TOM1: variants seen among roughly 807,000 people sequenced by gnomAD.
TOM1 encodes target of Myb protein 1.
Under a neutral mutation model 61.3 loss-of-function variants are expected in TOM1, and 38 were observed. The observed-to-expected ratio is 0.62, with a 90% confidence interval of 0.48 to 0.81. The LOEUF (loss-of-function observed/expected upper bound fraction) is 0.81. Among genes scored for constraint, TOM1 ranks in the 40% least tolerant of loss-of-function variants. The pLI, the probability that TOM1 is intolerant of heterozygous loss-of-function variation, is 0.00. For synonymous variants in TOM1, 270 were observed against 268.8 expected (o/e 1.00, Z -0.04); for missense variants, 591 against 659.6 (o/e 0.90, Z 1.14).
At chr22:35,309,060 T>A (rs944622601) in intron 1 of TOM1, among the ~76,000 whole-genome samples, 1 of 152,250 alleles carries the variant, frequency 6.6e-6, no homozygotes, top group African/African-American at 2.4e-5. Flanking sequence ...TCTGCATATT[T>A]GTGATTTAAA....
At chr22:35,306,676 A>G (rs1381774051) in intron 1 of TOM1, among the ~76,000 whole-genome samples, 1 of 152,194 alleles carries the variant, frequency 6.6e-6, no homozygotes, top group Non-Finnish European at 1.5e-5. Context: ...GCTATAAAGC[A>G]CTTCCTGCCA....
At chr22:35,302,336 T>C (rs566163547) in intron 1 of TOM1, among the ~76,000 whole-genome samples, 91 of 134,586 alleles carry the variant, frequency 6.8e-4, no homozygotes, top group African/African-American at 2.1e-3. Context: ...TTTTCTTTTT[T>C]TTTTTTTTTT....
chr22:35,341,474 G>T (rs1328597286), intron 12 of TOM1, among the ~76,000 whole-genome samples: 1 of 152,076 alleles, frequency 6.6e-6, no homozygotes. Context: ...GTGAGTGGAG[G>T]TGTGTGTCTC....
At chr22:35,346,993 CCCTCT>C (rs1415179488) in intron 14 of TOM1, 24 bp downstream of exon 14, 2 of 1,607,784 alleles carry the variant, frequency 1.2e-6, no homozygotes, top group Non-Finnish European at 1.7e-6. Context: ...CCCCTGCCCG[CCCTCT>C]CCTTTCCCCA....
chr22:35,335,681 G>A lies in TOM1; in HGVS notation c.1148+1233G>A, dbSNP rs527879044. 66 of 155,014 alleles carry A rather than the reference G, an allele frequency of 4.3e-4. 1 individual carries two copies. Among genetic ancestry groups the A allele is most frequent in the Middle Eastern group, 1.6e-3 (3 of 1,926 alleles). 9.6% of individuals were successfully genotyped at this position (155,014 alleles called of 1,614,324 possible). On this transcript the variant is annotated intron_variant, in intron 11 of 14. Transcript: ENST00000449058. ...GTCCTTCCTCTGGGGAGCAGGCTCC[G>A]GGGGACAGGGAAAAGCACACAAGGA...
chr22:35,346,849 C>G, intron 13 of TOM1, 81 bp from the exon 14 acceptor site: 1 of 1,368,978 alleles, frequency 7.3e-7, no homozygotes, highest in South Asian at 1.2e-5. Flanking sequence ...TCAGCGGGGC[C>G]CGAGCTGCAG....
Position 35,334,308 on chromosome 22 carries a change from TG to T in TOM1, c.1028-18del, listed in dbSNP as rs1929096453. On this transcript the variant is annotated intron_variant, in intron 10 of 14. Transcript: ENST00000449058. The stretch of plus-strand genomic sequence containing the variant: ...CAAGCTTGTGGATGGGTCTTTCACG[TG>T]GCCTTTCTGTCCCTGCAGACCTGGG... 1.2e-6 allele frequency: 2 copies of T among 1,603,952 alleles called. No homozygotes were observed. Among genetic ancestry groups the T allele is most frequent in the East Asian group, 4.5e-5 (2 of 44,554 alleles).
In TOM1 at chr22:35,329,256, A is replaced by AT. The variant is rs1157082451; in HGVS notation, c.766-1083dup. 4.6e-5 allele frequency among the ~76,000 whole-genome samples: 7 copies of AT among 152,156 alleles called. No individual in the cohort carries two copies. The South Asian group carries it at 1.2e-3, about 27-fold the overall frequency. ...TAGGCACGAGCCACCGGGTGTAGCC[A>AT]TTTTTTTTATTTTTCATAAGTTTAA... On this transcript the variant is annotated intron_variant, in intron 7 of 14. Coordinates refer to ENST00000449058, the MANE Select transcript of TOM1 (RefSeq NM_005488.3).
At chr22:35,340,269 C>T (rs1274813372) in intron 12 of TOM1, among the ~76,000 whole-genome samples, 5 of 152,102 alleles carry the variant, frequency 3.3e-5, no homozygotes, top group Non-Finnish European at 5.9e-5. Flanking sequence ...AGCATGGGGA[C>T]TTCTGAGGCT....
intron 6 of TOM1, 107 bp from the exon 7 acceptor site, chr22:35,327,164 G>A: frequency 1.9e-6 from 2 of 1,076,216 alleles, no homozygotes; most frequent in African/African-American, 1.5e-5. Flanking sequence ...TGGGAGGTCG[G>A]CTCCCTGGTG....
At chr22:35,307,767 G>A (rs899395167) in intron 1 of TOM1, among the ~76,000 whole-genome samples, 2 of 152,138 alleles carry the variant, frequency 1.3e-5, no homozygotes, top group Non-Finnish European at 2.9e-5. Flanking sequence ...GACCACAGGG[G>A]CTGAGACAGA....
At chr22:35,324,856 G>A (rs991089612) in intron 6 of TOM1, among the ~76,000 whole-genome samples, 3 of 152,248 alleles carry the variant, frequency 2.0e-5, no homozygotes, top group East Asian at 1.9e-4. Context: ...AGCCAAGAAG[G>A]TTTGAGGCTT....
chr22:35,345,388 C>T, intron 12 of TOM1: 1 of 398,478 alleles, frequency 2.5e-6, no homozygotes, highest in Non-Finnish European at 4.8e-6. Context: ...CAGCATAGCC[C>T]CTGCCCCAGG....
intron 7 of TOM1, among the ~76,000 whole-genome samples, chr22:35,329,748 A>G (rs921088456): frequency 1.3e-5 from 2 of 152,224 alleles, no homozygotes; most frequent in Non-Finnish European, 2.9e-5. Context: ...TTGACTAAGC[A>G]AAGATGGTGG....
Position 35,321,968 on chromosome 22 carries a change from T to C in TOM1, c.147T>C (p.Asp49=). ...TTCTTGTCCTCCTTAGTCCCAAAGA[T>C]GCCCTCCGAGCAGTAAAGAAGAGAA... is the stretch of plus-strand genomic sequence containing the variant. ...IINETEEGPK[D]ALRAVKKRIV... is the part of the protein sequence containing the mutation. Residue 49 remains aspartate (D), a synonymous_variant, in exon 3 of 15, where the codon GAT becomes GAC. Coordinates refer to ENST00000449058, the MANE Select transcript of TOM1 (RefSeq NM_005488.3). 1.2e-6 allele frequency: 2 copies of C among 1,614,150 alleles called. No homozygotes were observed. Among genetic ancestry groups the C allele is most frequent in the Non-Finnish European group, 1.7e-6 (2 of 1,180,002 alleles).
intron 12 of TOM1, among the ~76,000 whole-genome samples, chr22:35,343,185 A>G (rs1366012049): frequency 8.6e-6 from 1 of 116,454 alleles, no homozygotes; most frequent in Non-Finnish European, 1.7e-5. Context: ...CACACACCAC[A>G]CCTCCACTCA....
intron 13 of TOM1, 73 bp from the exon 14 acceptor site, chr22:35,346,856 GC>G (rs936856081): frequency 1.7e-5 from 25 of 1,431,632 alleles, no homozygotes; most frequent in Non-Finnish European, 2.4e-5. Flanking sequence ...GGCCCGAGCT[GC>G]AGCACCACTG....
rs1422768605 is a variant in TOM1, at chr22:35,321,989, G to C, written c.168G>C (p.Lys56Asn). 1.2e-6 allele frequency: 2 copies of C among 1,614,038 alleles called. No individual in the cohort carries two copies. The highest frequency in any genetic ancestry group is 1.7e-6 in the Non-Finnish European group (2 of 1,180,032). ...GPKDALRAVK[K>N]RIVGNKNFHE... The stretch of plus-strand genomic sequence containing the variant: ...AAGATGCCCTCCGAGCAGTAAAGAA[G>C]AGAATCGTGGGGAATAAGAACTTCC... The change falls in exon 3 of 15, where the codon AAG (lysine) becomes AAC (asparagine). Residue 56 changes from lysine (K) to asparagine (N), a missense_variant. Transcript: ENST00000449058.
chr22:35,316,291 T>C (rs1927270501), intron 1 of TOM1, among the ~76,000 whole-genome samples: 1 of 152,228 alleles, frequency 6.6e-6, no homozygotes, highest in South Asian at 2.1e-4. Flanking sequence ...GTAGTCACAA[T>C]ACATACCAGC....
Sources: allele counts gnomAD v4.1 joint callset (sites outside exome capture counted in the v4.1 genomes callset), GRCh38; gene constraint gnomAD v4.1.1; transcripts MANE v1.5; gene names NCBI Gene and HGNC (gene_info 2026-07-23, HGNC 2026-07-21).